The following CYP8B1 variants were observed in gnomAD, a reference collection of about 807,000 sequenced individuals.
CYP8B1 encodes 7-alpha-hydroxycholest-4-en-3-one 12-alpha-hydroxylase.
For missense variants in CYP8B1, 594 were observed against 643.7 expected, an observed-to-expected ratio of 0.92 and a Z score of 0.84; for synonymous variants, 221 against 251.2, an observed-to-expected ratio of 0.88 and a Z score of 1.14.
rs1470731502 is a variant in CYP8B1, at chr3:42,872,466, T to G, written c.*1845A>C. 1 of 152,222 alleles carries G rather than the reference T, an allele frequency of 6.6e-6. No individual in the cohort carries two copies. The highest frequency in any genetic ancestry group is 2.4e-5 in the African/African-American group (1 of 41,420). The allele number at this position is 152,222 out of a possible 1,614,324, so 9.4% of individuals were successfully genotyped here. ...ACTGGGATGGGCAGGAACAGCAATG[T>G]CTCTACTGATGGTTTCATTGGAGAA... On this transcript the variant is annotated 3_prime_UTR_variant, in exon 1 of 1. Coordinates refer to ENST00000316161, the MANE Select transcript of CYP8B1 (RefSeq NM_004391.3).
At position 42,872,371 on chromosome 3, in the gene CYP8B1, C is replaced by T. The variant is rs1035034691; in HGVS notation, c.*1940G>A. ...ATGGTGCTGCAGGAGCTGCACAGTT[C>T]GGAGGCCATTTCTGGCCAGAGGATG... On this transcript the variant is annotated 3_prime_UTR_variant, in exon 1 of 1. Coordinates refer to ENST00000316161, the MANE Select transcript of CYP8B1 (RefSeq NM_004391.3). 6.6e-6 allele frequency: 1 copy of T among 152,282 alleles called. No homozygotes were observed. The highest frequency in any genetic ancestry group is 1.5e-5 in the Non-Finnish European group (1 of 68,120). 9.4% of individuals were successfully genotyped at this position (152,282 alleles called of 1,614,324 possible). A position where few individuals can be genotyped will look rare whatever the true frequency, so the allele number is the denominator to read the frequency against.
At position 42,875,837 on chromosome 3, in the gene CYP8B1, A is replaced by G; in HGVS notation, c.-21T>C. On this transcript the variant is annotated 5_prime_UTR_variant, in exon 1 of 1. Transcript: ENST00000316161. ...ACCATGGCTATGCTCCTGCGGATTA[A>G]GCTCTCGACACGCACACTGTTCCCT... 1.5e-6 allele frequency: 2 copies of G among 1,345,614 alleles called. No individual in the cohort carries two copies. The allele number at this position is 1,345,614 out of a possible 1,614,324, so 83.4% of individuals were successfully genotyped here. A position where few individuals can be genotyped will look rare whatever the true frequency, so the allele number is the denominator to read the frequency against.
chr3:42,874,991 T>C lies in CYP8B1; in HGVS notation c.826A>G (p.Asn276Asp), dbSNP rs2088504921. The C allele has an allele frequency of 2.5e-6, 4 of 1,613,732 alleles. No individual in the cohort carries two copies. In the Admixed American group the frequency reaches 6.7e-5, roughly 27 times the overall value. ...TGGGAGGCCCAGAGCATCATGAAGT[T>C]GAACTTGTCCTGCATAGCTGAGGGT... is the stretch of plus-strand genomic sequence containing the variant. ...GVPSAMQDKF[N>D]FMMLWASQGN... The change falls in exon 1 of 1, where the codon AAC (asparagine) becomes GAC (aspartate). Residue 276 changes from asparagine (N) to aspartate (D), a missense_variant. Transcript: ENST00000316161.
chr3:42,875,196 G>C lies in CYP8B1; in HGVS notation c.621C>G (p.Arg207=). The C allele has an allele frequency of 6.3e-7, 1 of 1,593,652 alleles. No homozygotes were observed. The highest frequency in any genetic ancestry group is 8.6e-7 in the Non-Finnish European group (1 of 1,168,312). ...ACCTTGGGAAAAGAAGGTCAAACTTGCGGAACTCCATGAATAACTCTCCTG... is the reference window on the plus strand; with the variant it reads ...ACCTTGGGAAAAGAAGGTCAAACTTCCGGAACTCCATGAATAACTCTCCTG... The part of the protein sequence containing the change: ...LQAGELFMEF[R]KFDLLFPRFV... The change falls in exon 1 of 1, where the codon CGC becomes CGG. Residue 207 remains arginine (R), a synonymous_variant. Transcript: ENST00000316161.
chr3:42,875,429 G>T lies in CYP8B1; in HGVS notation c.388C>A (p.His130Asn). 11 of 1,613,042 alleles carry T rather than the reference G, an allele frequency of 6.8e-6. No homozygotes were observed. The highest frequency in any genetic ancestry group is 9.3e-6 in the Non-Finnish European group (11 of 1,179,282). The change falls in exon 1 of 1, where the codon CAT (histidine) becomes AAT (asparagine). Residue 130 changes from histidine (H) to asparagine (N), a missense_variant. His to Asn is a moderately conservative substitution (Grantham distance 68). Transcript: ENST00000316161. Reference sequence around the variant, plus strand: ...TCCTTCAAGCCATCCCCCCTCAGATGCTTGGTGCTGGCTGAGTGTATCATC... The same window carrying T: ...TCCTTCAAGCCATCCCCCCTCAGATTCTTGGTGCTGGCTGAGTGTATCATC... ...HEMIHSASTKHLRGDGLKDLN... is the reference protein window; with the variant it reads ...HEMIHSASTKNLRGDGLKDLN...
In CYP8B1 at chr3:42,875,417, C is replaced by G; in HGVS notation, c.400G>C (p.Asp134His). The G allele has an allele frequency of 6.2e-7, 1 of 1,613,638 alleles. No homozygotes were observed. Among genetic ancestry groups the G allele is most frequent in the Non-Finnish European group, 8.5e-7 (1 of 1,179,626 alleles). ...GTCTCATTAAGATCCTTCAAGCCAT[C>G]CCCCCTCAGATGCTTGGTGCTGGCT... ...HSASTKHLRG[D>H]GLKDLNETML... is the part of the protein sequence containing the mutation. The change falls in exon 1 of 1, where the codon GAT becomes CAT. Residue 134 changes from aspartate to histidine, a missense_variant. By Grantham distance (81) the Asp-to-His change is moderately conservative. Coordinates refer to ENST00000316161, the MANE Select transcript of CYP8B1 (RefSeq NM_004391.3).
At position 42,874,757 on chromosome 3, in the gene CYP8B1, G is replaced by A. The variant is rs778621588; in HGVS notation, c.1060C>T (p.Pro354Ser). ...VEETLRLRAA[P>S]TLLRLVHEDY... ...TCATGAACCAACCTGAGGAGGGTGGGTGCAGCCCTCAGCCGCAGCGTCTCC... is the reference window on the plus strand; with the variant it reads ...TCATGAACCAACCTGAGGAGGGTGGATGCAGCCCTCAGCCGCAGCGTCTCC... Residue 354 changes from proline (P) to serine (S), a missense_variant, in exon 1 of 1, where the codon CCC becomes TCC. By Grantham distance (74) the Pro-to-Ser change is moderately conservative (BLOSUM62 -1). Coordinates refer to ENST00000316161, the MANE Select transcript of CYP8B1 (RefSeq NM_004391.3). The A allele has an allele frequency of 6.2e-7, 1 of 1,614,094 alleles. No individual in the cohort carries two copies. Among genetic ancestry groups the A allele is most frequent in the Non-Finnish European group, 8.5e-7 (1 of 1,180,016 alleles).
Position 42,875,019 on chromosome 3 carries a change from C to A in CYP8B1, c.798G>T (p.Gly266=), listed in dbSNP as rs741817. ...ACTTGTCCTGCATAGCTGAGGGTAC[C>A]CCCTGCTCCCTCAGAAACTGAAGCA... is the stretch of plus-strand genomic sequence containing the variant. The part of the protein sequence containing the change: ...GNMLQFLREQ[G]VPSAMQDKFN... Residue 266 remains glycine (G), a synonymous_variant, in exon 1 of 1, where the codon GGG becomes GGT. Coordinates refer to ENST00000316161, the MANE Select transcript of CYP8B1 (RefSeq NM_004391.3). The A allele has an allele frequency of 4.7e-3, 7,614 of 1,613,794 alleles. 322 individuals are homozygous for A. The African/African-American group carries it at 0.087, about 19-fold the overall frequency.
Position 42,875,415 on chromosome 3 carries a change from A to G in CYP8B1, c.402T>C (p.Asp134=). The G allele has an allele frequency of 6.2e-7, 1 of 1,613,828 alleles. No homozygotes were observed. Among genetic ancestry groups the G allele is most frequent in the Middle Eastern group, 1.6e-4 (1 of 6,062 alleles). ...TGGTCTCATTAAGATCCTTCAAGCC[A>G]TCCCCCCTCAGATGCTTGGTGCTGG... ...HSASTKHLRG[D]GLKDLNETML... Residue 134 remains aspartate (D), a synonymous_variant, in exon 1 of 1, where the codon GAT becomes GAC. Transcript: ENST00000316161.
Position 42,875,473 on chromosome 3 carries a change from G to A in CYP8B1, c.344C>T (p.Ser115Leu). The A allele has an allele frequency of 6.3e-7, 1 of 1,579,296 alleles. No individual in the cohort carries two copies. The highest frequency in any genetic ancestry group is 8.6e-7 in the Non-Finnish European group (1 of 1,161,044). ...KLVLKVFGYR[S>L]VQGDHEMIHS... ...TATCATCTCATGGTCCCCTTGCACTGAACGGTATCCAAATACCTTCAGCAC... is the reference window on the plus strand; with the variant it reads ...TATCATCTCATGGTCCCCTTGCACTAAACGGTATCCAAATACCTTCAGCAC... Residue 115 changes from serine to leucine, a missense_variant, in exon 1 of 1, where the codon TCA (serine) becomes TTA (leucine). Physicochemically the swap from Ser to Leu is moderately radical, Grantham distance 145 (BLOSUM62 -2). Coordinates refer to ENST00000316161, the MANE Select transcript of CYP8B1 (RefSeq NM_004391.3).
chr3:42,874,292 G>T lies in CYP8B1; in HGVS notation c.*19C>A. On this transcript the variant is annotated 3_prime_UTR_variant, in exon 1 of 1. Transcript: ENST00000316161. ...CAATAGAACTCCTCTGGCCAGGTTT[G>T]CAGCTGGCTTGGCCAAGCTCACTCT... 1 of 1,608,630 alleles carries T rather than the reference G, an allele frequency of 6.2e-7. No homozygotes were observed. The highest frequency in any genetic ancestry group is 2.2e-5 in the East Asian group (1 of 44,850).
Position 42,874,556 on chromosome 3 carries a change from T to TG in CYP8B1, c.1260dup (p.Lys421GlnfsTer29), listed in dbSNP as rs1351074842. The TG allele has an allele frequency of 1.9e-6, 3 of 1,613,952 alleles. No individual in the cohort carries two copies. In the African/African-American group the frequency reaches 4.0e-5, roughly 22 times the overall value. ...TAGTGGTGGATCTTCTTGCCTGTCT[T>TG]GAAGAAGTCCACTTTCCGGCTGCCA... On this transcript the variant is annotated frameshift_variant, in exon 1 of 1. Transcript: ENST00000316161. LOFTEE classifies it low-confidence loss of function (END_TRUNC).
rs544310665 is a variant in CYP8B1, at chr3:42,875,462, C to A, written c.355G>T (p.Asp119Tyr). The A allele has an allele frequency of 3.1e-6, 5 of 1,595,418 alleles. No individual in the cohort carries two copies. Among genetic ancestry groups the A allele is most frequent in the Admixed American group, 1.7e-5 (1 of 57,278 alleles). Residue 119 changes from aspartate (D) to tyrosine (Y), a missense_variant, in exon 1 of 1, where the codon GAC (aspartate) becomes TAC (tyrosine). Transcript: ENST00000316161. The part of the protein sequence containing the change: ...KVFGYRSVQG[D>Y]HEMIHSASTK... ...CTGGCTGAGTGTATCATCTCATGGT[C>A]CCCTTGCACTGAACGGTATCCAAAT...
rs527822082 is a variant in CYP8B1 at position 42,873,598 on chromosome 3, T to C, written c.*713A>G. ...ATATTGGATTAAGTAAAGTATATTA[T>C]AAAAATGAATTGTTTCATTTTACTT... On this transcript the variant is annotated 3_prime_UTR_variant, in exon 1 of 1. Coordinates refer to ENST00000316161, the MANE Select transcript of CYP8B1 (RefSeq NM_004391.3). 2 of 152,350 alleles carry C rather than the reference T, an allele frequency of 1.3e-5. No individual in the cohort carries two copies. The highest frequency in any genetic ancestry group is 2.1e-4 in the South Asian group (1 of 4,828). The allele number at this position is 152,350 out of a possible 1,614,324, so 9.4% of individuals were successfully genotyped here.
rs770517385 is a variant in CYP8B1 at position 42,874,568 on chromosome 3, C to T, written c.1249G>A (p.Val417Met). 3.7e-6 allele frequency: 6 copies of T among 1,614,110 alleles called. No individual in the cohort carries two copies. Among genetic ancestry groups the T allele is most frequent in the South Asian group, 1.1e-5 (1 of 91,082 alleles). Residue 417 changes from valine to methionine, a missense_variant, in exon 1 of 1, where the codon GTG (valine) becomes ATG (methionine). Coordinates refer to ENST00000316161, the MANE Select transcript of CYP8B1 (RefSeq NM_004391.3). ...RFLNPNGSRK[V>M]DFFKTGKKIH... The stretch of plus-strand genomic sequence containing the variant: ...TTCTTGCCTGTCTTGAAGAAGTCCA[C>T]TTTCCGGCTGCCATTAGGGTTGAGG...
rs180873089 is a variant in CYP8B1 at position 42,872,422 on chromosome 3, C to T, written c.*1889G>A. ...GGATGCGTGAAATCCAGGAAGGCTT[C>T]CAGGAAGGAGTAGCTGGCACTGGGA... On this transcript the variant is annotated 3_prime_UTR_variant, in exon 1 of 1. Coordinates refer to ENST00000316161, the MANE Select transcript of CYP8B1 (RefSeq NM_004391.3). 4.6e-3 allele frequency: 697 copies of T among 152,362 alleles called. 9 individuals are homozygous for T. Among genetic ancestry groups the T allele is most frequent in the Admixed American group, 0.01 (159 of 15,298 alleles). 9.4% of individuals were successfully genotyped at this position (152,362 alleles called of 1,614,324 possible).
chr3:42,874,647 C>T lies in CYP8B1; in HGVS notation c.1170G>A (p.Val390=). 1 of 1,614,066 alleles carries T rather than the reference C, an allele frequency of 6.2e-7. No individual in the cohort carries two copies. Among genetic ancestry groups the T allele is most frequent in the Non-Finnish European group, 8.5e-7 (1 of 1,180,012 alleles). ...CAGGGTGGATGTCAGGGTCCATGTG[C>T]ACTGAGAGGTAGGGAAAGAGGGCCA... ...DILALFPYLS[V]HMDPDIHPEP... is the part of the protein sequence containing the mutation. Residue 390 remains valine, a synonymous_variant, in exon 1 of 1, where the codon GTG becomes GTA. Transcript: ENST00000316161.
chr3:42,874,570 T>C lies in CYP8B1; in HGVS notation c.1247A>G (p.Lys416Arg), dbSNP rs774096821. 6.2e-7 allele frequency: 1 copy of C among 1,614,096 alleles called. No homozygotes were observed. Among genetic ancestry groups the C allele is most frequent in the South Asian group, 1.1e-5 (1 of 91,072 alleles). The change falls in exon 1 of 1, where the codon AAA (lysine) becomes AGA (arginine). Residue 416 changes from lysine (K) to arginine (R), a missense_variant. Coordinates refer to ENST00000316161, the MANE Select transcript of CYP8B1 (RefSeq NM_004391.3). ...CTTGCCTGTCTTGAAGAAGTCCACT[T>C]TCCGGCTGCCATTAGGGTTGAGGAA... ...DRFLNPNGSR[K>R]VDFFKTGKKI... is the part of the protein sequence containing the mutation.
At position 42,875,324 on chromosome 3, in the gene CYP8B1, G is replaced by A; in HGVS notation, c.493C>T (p.His165Tyr). The A allele has an allele frequency of 6.2e-7, 1 of 1,613,930 alleles. No individual in the cohort carries two copies. The highest frequency in any genetic ancestry group is 1.7e-5 in the Admixed American group (1 of 60,006). Residue 165 changes from histidine to tyrosine, a missense_variant, in exon 1 of 1, where the codon CAT (histidine) becomes TAT (tyrosine). By Grantham distance (83) the His-to-Tyr change is moderately conservative. Transcript: ENST00000316161. The part of the protein sequence containing the change: ...KGWSLDASCW[H>Y]EDSLFRFCYY... The stretch of plus-strand genomic sequence containing the variant: ...CAGAAGCGAAAGAGGCTGTCCTCAT[G>A]CCAGCAACTGGCATCCAGACTCCAG...
Sources: gnomAD v4.1 joint callset for allele counts on GRCh38, gnomAD v4.1.1 for gene constraint, MANE v1.5 for transcripts, NCBI Gene and HGNC (gene_info 2026-07-23, HGNC 2026-07-21) for gene names.